Variants in DHRS7 observed in about 807,000 individuals in gnomAD.
The protein encoded by DHRS7 is dehydrogenase/reductase 7, also known as dehydrogenase/reductase SDR family member 7.
A neutral mutation model predicts 38.9 loss-of-function variants in DHRS7; 34 were observed. That is an observed-to-expected ratio of 0.87 (90% CI 0.66 to 1.16). The LOEUF is 1.16. Ranked by LOEUF, DHRS7 falls within the 50% of genes most tolerant of loss-of-function variation. The pLI is 0.00. For synonymous variants in DHRS7, 158 were observed against 153.1 expected (o/e 1.03, Z -0.24); for missense variants, 421 against 407.0 (o/e 1.03, Z -0.30).
intron 4 of DHRS7, among the ~76,000 whole-genome samples, chr14:60,152,510 AAAG>A (rs1210060682): frequency 6.6e-6 from 1 of 152,218 alleles, no homozygotes; most frequent in African/African-American, 2.4e-5. Context: ...GGGGCAAGGA[AAAG>A]AAGTCACAGA....
chr14:60,165,406 C>T (rs537685100), upstream of DHRS7: 6 of 1,475,732 alleles, frequency 4.1e-6, no homozygotes, highest in South Asian at 5.4e-5. This position sits in a 1 kb window ranked among gnomAD's most constrained non-coding sequence, Gnocchi z 4.6. Flanking sequence ...TTCGGCCAGC[C>T]CAGAGCCGCA....
In DHRS7 at chr14:60,146,074, T is replaced by C. The variant is rs1290589120; in HGVS notation, c.973-1061A>G. On this transcript the variant is annotated intron_variant, in intron 6 of 6. Transcript: ENST00000557185. This position sits in a 1 kb window ranked among gnomAD's most constrained non-coding sequence, Gnocchi z 4.9. ...TGGGAGAGAGGAAGAGTACAGACTA[T>C]AAAGAATGAGGTATTATGTCCTAAA... is the stretch of plus-strand genomic sequence containing the variant. 3 of 150,988 alleles carry C rather than the reference T, an allele frequency of 2.0e-5. No individual in the cohort carries two copies. The highest frequency in any genetic ancestry group is 3.0e-5 in the Non-Finnish European group (2 of 67,790). 9.4% of individuals were successfully genotyped at this position (150,988 alleles called of 1,614,324 possible).
chr14:60,157,562 C>A (rs770908071), intron 1 of DHRS7, among the ~76,000 whole-genome samples: 5 of 152,130 alleles, frequency 3.3e-5, no homozygotes, highest in Non-Finnish European at 5.9e-5. Flanking sequence ...CTACTAAAAG[C>A]CTCACCAGAA....
chr14:60,153,322 A>G lies in DHRS7; in HGVS notation c.394-144T>C, dbSNP rs1026419999. On this transcript the variant is annotated intron_variant, in intron 3 of 6. Transcript: ENST00000557185. The surrounding 1 kb of genome is among the most constrained non-coding windows in gnomAD (Gnocchi z 4.4). Reference sequence around the variant, plus strand: ...TTTCCAGAAGTCAGCAATTAAAAAGATAAAATAAAGCCCTGAATTTACCTG... The same window carrying G: ...TTTCCAGAAGTCAGCAATTAAAAAGGTAAAATAAAGCCCTGAATTTACCTG... The G allele has an allele frequency of 1.3e-4, 139 of 1,047,616 alleles. No individual in the cohort carries two copies. Among genetic ancestry groups the G allele is most frequent in the Non-Finnish European group, 1.8e-4 (134 of 743,166 alleles). 64.9% of individuals were successfully genotyped at this position (1,047,616 alleles called of 1,614,324 possible).
chr14:60,150,076 C>T lies in DHRS7; in HGVS notation c.745G>A (p.Glu249Lys), dbSNP rs978165484. Residue 249 changes from glutamate to lysine, a missense_variant, in exon 5 of 7, where the codon GAA (glutamate) becomes AAA (lysine). Transcript: ENST00000557185. Reference protein sequence around the residue: ...SNIVENSLAGEVTKTIGNNGD... With the variant: ...SNIVENSLAGKVTKTIGNNGD... ...CTAGAAATTTTTACCTTTGTGACTTCTCCAGCTAGGGAATTCTCCACAATA... is the reference window on the plus strand; with the variant it reads ...CTAGAAATTTTTACCTTTGTGACTTTTCCAGCTAGGGAATTCTCCACAATA... 5 of 1,597,346 alleles carry T rather than the reference C, an allele frequency of 3.1e-6. No homozygotes were observed. Among genetic ancestry groups the T allele is most frequent in the Non-Finnish European group, 4.3e-6 (5 of 1,175,852 alleles).
At position 60,149,232 on chromosome 14, in the gene DHRS7, G is replaced by A. The variant is rs1433003453; in HGVS notation, c.972+121C>T. 3 of 902,820 alleles carry A rather than the reference G, an allele frequency of 3.3e-6. No individual in the cohort carries two copies. In the South Asian group the frequency reaches 4.3e-5, roughly 13 times the overall value. 55.9% of individuals were successfully genotyped at this position (902,820 alleles called of 1,614,324 possible). ...AAGTGATCTGCCTTGGCCTCCCAAA[G>A]TGCTGGGATTACAGACATGAGCCAC... On this transcript the variant is annotated intron_variant, in intron 6 of 6. Coordinates refer to ENST00000557185, the MANE Select transcript of DHRS7 (RefSeq NM_016029.4).
At chr14:60,149,648 T>C in intron 5 of DHRS7, 80 bp from the exon 6 acceptor site, 5 of 1,118,420 alleles carry the variant, frequency 4.5e-6, no homozygotes, top group Non-Finnish European at 6.4e-6. Context: ...AAATGCCGTC[T>C]AGTTGAGTGG....
chr14:60,147,545 G>C (rs1896439916), intron 6 of DHRS7: 1 of 152,094 alleles, frequency 6.6e-6, no homozygotes, highest in Admixed American at 6.6e-5. Flanking sequence ...CATTAAGGAA[G>C]CTGAATATCC....
Position 60,149,432 on chromosome 14 carries a change from C to T in DHRS7, c.893G>A (p.Trp298Ter). ...CCAGGCCCAGGTTGGCATGTATTGC[C>T]ACAAATATGTTACTAACAAGAAAGG... ...EQPFLLVTYL[W>*]QYMPTWAWWI... The change falls in exon 6 of 7, where the codon TGG becomes TAG. Residue 298 changes from tryptophan (W) to a stop codon, truncating the protein, a stop_gained. Coordinates refer to ENST00000557185, the MANE Select transcript of DHRS7 (RefSeq NM_016029.4). LOFTEE classifies it high-confidence loss of function. The T allele has an allele frequency of 6.2e-7, 1 of 1,614,112 alleles. No individual in the cohort carries two copies. Among genetic ancestry groups the T allele is most frequent in the Non-Finnish European group, 8.5e-7 (1 of 1,180,036 alleles).
At chr14:60,147,495 A>G (rs1033684426) in intron 6 of DHRS7, 1 of 152,216 alleles carries the variant, frequency 6.6e-6, no homozygotes, top group Admixed American at 6.5e-5. Flanking sequence ...CCTTAAATAT[A>G]TATAATTTTT....
chr14:60,155,278 G>A lies in DHRS7; in HGVS notation c.286+722C>T, dbSNP rs151065679. 1.3e-3 allele frequency among the ~76,000 whole-genome samples: 205 copies of A among 152,100 alleles called. 3 individuals carry two copies. The East Asian group carries it at 0.035, about 26-fold the overall frequency. On this transcript the variant is annotated intron_variant, in intron 2 of 6. Coordinates refer to ENST00000557185, the MANE Select transcript of DHRS7 (RefSeq NM_016029.4). ...AGCATGGCCAACATGGTGAAACCCC[G>A]TCTCCATTAAAAATACAAAAATTAG...
At chr14:60,152,311 G>A (rs889691266) in intron 4 of DHRS7, among the ~76,000 whole-genome samples, 1 of 152,148 alleles carries the variant, frequency 6.6e-6, no homozygotes, top group Non-Finnish European at 1.5e-5. Flanking sequence ...CGTAAGTTAT[G>A]CAGTCCAAAT....
chr14:60,150,311 T>C, intron 4 of DHRS7, 124 bp from the exon 5 acceptor site: 3 of 863,456 alleles, frequency 3.5e-6, no homozygotes, highest in Non-Finnish European at 4.9e-6. Flanking sequence ...TGCAAGCTTA[T>C]TAGGCACTTT....
chr14:60,149,775 T>C (rs1896497599), intron 5 of DHRS7, among the ~76,000 whole-genome samples: 1 of 151,990 alleles, frequency 6.6e-6, no homozygotes, highest in African/African-American at 2.4e-5. Flanking sequence ...CTAGATAATA[T>C]AGTGCAGGCT....
At chr14:60,155,343 G>C (rs1896636142) in intron 2 of DHRS7, among the ~76,000 whole-genome samples, 1 of 152,116 alleles carries the variant, frequency 6.6e-6, no homozygotes, top group Non-Finnish European at 1.5e-5. Context: ...CAGCTACTCA[G>C]GAGGCTGAGG....
In DHRS7 at chr14:60,156,146, T is replaced by C; in HGVS notation, c.140A>G (p.Glu47Gly). Residue 47 changes from glutamate to glycine, a missense_variant, in exon 2 of 7, where the codon GAG becomes GGG. By Grantham distance (98) the Glu-to-Gly change is moderately conservative. Coordinates refer to ENST00000557185, the MANE Select transcript of DHRS7 (RefSeq NM_016029.4). ...AEWQGRRPEW[E>G]LTDMVVWVTG... ...CACCCACACCACCATATCAGTCAGC[T>C]CCCATTCTATGGAAGGAATGTAAAT... 6.4e-7 allele frequency: 1 copy of C among 1,572,826 alleles called. No individual in the cohort carries two copies. Among genetic ancestry groups the C allele is most frequent in the Non-Finnish European group, 8.6e-7 (1 of 1,161,630 alleles).
chr14:60,162,963 G>T lies in DHRS7; in HGVS notation c.133+2214C>A, dbSNP rs1226718336. 6.6e-6 allele frequency among the ~76,000 whole-genome samples: 1 copy of T among 151,996 alleles called. No homozygotes were observed. Among genetic ancestry groups the T allele is most frequent in the Non-Finnish European group, 1.5e-5 (1 of 67,982 alleles). ...GCGGGGTGGATCACCTGAGGTCAGG[G>T]GTTTGAGACTAGCCTGGCCAACATG... On this transcript the variant is annotated intron_variant, in intron 1 of 6. Transcript: ENST00000557185. The surrounding 1 kb of genome is among the most constrained non-coding windows in gnomAD (Gnocchi z 4.5).
intron 1 of DHRS7, among the ~76,000 whole-genome samples, chr14:60,163,756 G>C (rs1595202261): frequency 1.3e-5 from 2 of 152,200 alleles, no homozygotes; most frequent in South Asian, 4.2e-4. Flanking sequence ...TAATTTGATG[G>C]GTTGAATATT....
upstream of DHRS7, among the ~76,000 whole-genome samples, chr14:60,167,789 C>T (rs1896886402): frequency 2.0e-5 from 3 of 152,150 alleles, no homozygotes; most frequent in South Asian, 4.1e-4. Context: ...GTTTTCACAT[C>T]CCTTAGATGC....
Sources: gnomAD v4.1 joint callset for allele counts (sites outside exome capture counted in the v4.1 genomes callset) on GRCh38, gnomAD v4.1.1 for gene constraint, Gnocchi (gnomAD v3.1) non-coding constraint, MANE v1.5 for transcripts, NCBI Gene and HGNC (gene_info 2026-07-23, HGNC 2026-07-21) for gene names.